Variants in DCDC1 observed in about 807,000 individuals in gnomAD.
DCDC1 encodes the protein doublecortin domain containing 1, also known as doublecortin domain-containing protein 1.
In DCDC1, 200 loss-of-function variants were observed where a neutral mutation model predicts 178.3. That is an observed-to-expected ratio of 1.12 (90% confidence interval 1.00 to 1.26). The LOEUF (loss-of-function observed/expected upper bound fraction) is 1.26. Among genes scored for constraint, DCDC1 ranks in the 50% most tolerant of loss-of-function variants. The pLI is 0.00. For missense variants in DCDC1, 1,983 were observed against 1,749.2 expected, an observed-to-expected ratio of 1.13 and a Z score of -2.38; for synonymous variants, 690 against 604.8, an observed-to-expected ratio of 1.14 and a Z score of -2.07.
chr11:31,050,557 T>C (rs1955177158), intron 20 of DCDC1, among the ~76,000 whole-genome samples: 1 of 152,100 alleles, frequency 6.6e-6, no homozygotes, highest in Admixed American at 6.5e-5. Flanking sequence ...AGCACAAAAA[T>C]AGAGCATTAA....
chr11:31,187,794 T>C (rs1027729685), intron 9 of DCDC1, among the ~76,000 whole-genome samples: 8 of 152,144 alleles, frequency 5.3e-5, no homozygotes, highest in Admixed American at 3.9e-4. Context: ...GGATTCATAG[T>C]CTAATCACTA....
intron 11 of DCDC1, among the ~76,000 whole-genome samples, chr11:31,111,294 G>GAA (rs573318086): frequency 3.2e-4 from 46 of 141,724 alleles, no homozygotes; most frequent in African/African-American, 6.4e-4. Flanking sequence ...ATTTAAAAAT[G>GAA]AAAAAAAAAA....
At chr11:31,333,081 T>C (rs529286573) in intron 2 of DCDC1, among the ~76,000 whole-genome samples, 14 of 152,338 alleles carry the variant, frequency 9.2e-5, no homozygotes, top group Admixed American at 2.0e-4. Flanking sequence ...TGGGTGCATA[T>C]ATATCTATGC....
At chr11:31,014,060 C>T (rs1052215834) in intron 20 of DCDC1, among the ~76,000 whole-genome samples, 3 of 152,162 alleles carry the variant, frequency 2.0e-5, no homozygotes, top group African/African-American at 7.2e-5. Context: ...AAAACCCTAA[C>T]ATGCAATATG....
chr11:31,277,025 G>A (rs1202203935), intron 7 of DCDC1, among the ~76,000 whole-genome samples: 1 of 151,950 alleles, frequency 6.6e-6, no homozygotes, highest in East Asian at 1.9e-4. Flanking sequence ...TTTTAAGTAG[G>A]TGCAGTTGAT....
At chr11:30,955,975 G>A (rs866927866) in intron 20 of DCDC1, among the ~76,000 whole-genome samples, 10 of 152,204 alleles carry the variant, frequency 6.6e-5, no homozygotes, top group East Asian at 1.9e-4. Flanking sequence ...GTGGTTTGGG[G>A]AGCAGTACGG....
chr11:31,323,844 GT>G (rs1401826883), intron 3 of DCDC1, among the ~76,000 whole-genome samples: 1 of 152,024 alleles, frequency 6.6e-6, no homozygotes, highest in Non-Finnish European at 1.5e-5. Flanking sequence ...AAAGCACAAA[GT>G]TTTTATTAAA....
chr11:30,888,114 GAAAGAA>G (rs1554959027), intron 36 of DCDC1, among the ~76,000 whole-genome samples: 2 of 125,178 alleles, frequency 1.6e-5, no homozygotes, highest in Non-Finnish European at 3.3e-5. Flanking sequence ...AAGAAAGAAA[GAAAGAA>G]AGAAAGAAAG....
At chr11:31,334,996 C>T (rs1950199090) in intron 2 of DCDC1, among the ~76,000 whole-genome samples, 1 of 152,176 alleles carries the variant, frequency 6.6e-6, no homozygotes, top group Admixed American at 6.5e-5. Flanking sequence ...TCAGCTATGC[C>T]CTGCCTCCAG....
intron 20 of DCDC1, among the ~76,000 whole-genome samples, chr11:31,054,250 A>C (rs1214572492): frequency 1.3e-5 from 2 of 151,710 alleles, no homozygotes; most frequent in Non-Finnish European, 3.0e-5. Context: ...AAAAGAAAAA[A>C]AAAAAAAACA....
At position 31,305,643 on chromosome 11, in the gene DCDC1, G is replaced by A. The variant is rs781602888; in HGVS notation, c.726C>T (p.Pro242=). ...EADVYVSTGE[P]FLNPFKKIKD... is the part of the protein sequence containing the mutation. ...TAATTTTTTTGAATGGATTTAAAAA[G>A]GGCTCTCCCGTTGAAACATAAACAT... The change falls in exon 6 of 39, where the codon CCC becomes CCT. Residue 242 remains proline (P), a synonymous_variant. Transcript: ENST00000684477. 2.5e-5 allele frequency: 40 copies of A among 1,613,602 alleles called. No individual in the cohort carries two copies. Among genetic ancestry groups the A allele is most frequent in the Non-Finnish European group, 3.1e-5 (36 of 1,179,702 alleles).
At chr11:31,025,872 T>G (rs1444594355) in intron 20 of DCDC1, among the ~76,000 whole-genome samples, 1 of 151,778 alleles carries the variant, frequency 6.6e-6, no homozygotes, top group Non-Finnish European at 1.5e-5. Context: ...ACAGCCAATC[T>G]GATACATGGT....
intron 20 of DCDC1, among the ~76,000 whole-genome samples, chr11:31,001,954 T>C (rs187475580): frequency 3.9e-5 from 6 of 152,324 alleles, no homozygotes; most frequent in Non-Finnish European, 8.8e-5. Context: ...GTCCTAAATA[T>C]TGCAATGTAA....
intron 20 of DCDC1, among the ~76,000 whole-genome samples, chr11:30,961,934 G>A (rs1011947083): frequency 5.3e-5 from 8 of 152,014 alleles, no homozygotes; most frequent in African/African-American, 1.4e-4. Context: ...ACATGCACAA[G>A]CTGGTCTTAA....
intron 20 of DCDC1, chr11:30,992,530 T>A (rs938293671): frequency 2.0e-5 from 3 of 152,216 alleles, no homozygotes; most frequent in Non-Finnish European, 2.9e-5. Context: ...AGAAAGAAAT[T>A]GCCTTCCAAG....
chr11:31,173,283 A>T (rs1565383196), intron 9 of DCDC1, among the ~76,000 whole-genome samples: 1 of 152,246 alleles, frequency 6.6e-6, no homozygotes, highest in Non-Finnish European at 1.5e-5. Flanking sequence ...GTATGACATT[A>T]CATCACCCGA....
chr11:30,996,856 G>T (rs1951300404), intron 20 of DCDC1, among the ~76,000 whole-genome samples: 1 of 152,164 alleles, frequency 6.6e-6, no homozygotes, highest in African/African-American at 2.4e-5. Flanking sequence ...TTTCTCACAT[G>T]AACAGAAAAT....
intron 1 of DCDC1, among the ~76,000 whole-genome samples, chr11:31,337,409 C>T (rs1950327177): frequency 6.6e-6 from 1 of 152,226 alleles, no homozygotes; most frequent in Admixed American, 6.5e-5. Flanking sequence ...TGGCTCACGC[C>T]TGTAATCCCG....
At chr11:30,975,982 A>T (rs1273924527) in intron 20 of DCDC1, among the ~76,000 whole-genome samples, 1 of 152,168 alleles carries the variant, frequency 6.6e-6, no homozygotes, top group Non-Finnish European at 1.5e-5. Context: ...ACAGTGACAA[A>T]AATAACATGG....
Sources: allele counts gnomAD v4.1 joint callset (sites outside exome capture counted in the v4.1 genomes callset), GRCh38; gene constraint gnomAD v4.1.1; transcripts MANE v1.5; gene names NCBI Gene and HGNC (gene_info 2026-07-23, HGNC 2026-07-21).